Variants in PRKD3 observed in about 807,000 individuals in gnomAD.
PRKD3 encodes serine/threonine-protein kinase D3.
PRKD3 carries 47 observed loss-of-function variants against 99.2 expected under a neutral mutation model. The observed-to-expected ratio is 0.47, with a 90% confidence interval of 0.38 to 0.60. The LOEUF (loss-of-function observed/expected upper bound fraction) is 0.60. PRKD3 is among the 20% of genes least tolerant of loss of function. PRKD3 has a pLI of 0.00. For missense variants in PRKD3, 1,019 were observed against 1,088.4 expected, an observed-to-expected ratio of 0.94 and a Z score of 0.90; for synonymous variants, 392 against 355.4, an observed-to-expected ratio of 1.10 and a Z score of -1.16.
rs745319154 is a variant in PRKD3 at position 37,269,648 on chromosome 2, G to A, written c.1744C>T (p.Leu582Phe). 6.2e-7 allele frequency: 1 copy of A among 1,613,106 alleles called. No homozygotes were observed. Among genetic ancestry groups the A allele is most frequent in the Admixed American group, 1.7e-5 (1 of 60,010 alleles). Residue 582 changes from leucine (L) to phenylalanine (F), a missense_variant, in exon 13 of 19, where the codon CTT becomes TTT. Transcript: ENST00000234179. ...TVYQIFADEV[L>F]GSGQFGIVYG... is the part of the protein sequence containing the mutation. ...ACGATGCCAAACTGGCCTGAACCAAGCACCTCATCTGCAAAGATCTGGTAA... is the reference window on the plus strand; with the variant it reads ...ACGATGCCAAACTGGCCTGAACCAAACACCTCATCTGCAAAGATCTGGTAA...
intron 8 of PRKD3, chr2:37,278,221 C>A (rs1242856330): frequency 2.4e-5 from 6 of 245,720 alleles, no homozygotes; most frequent in South Asian, 7.5e-5. Flanking sequence ...TTCTGGAGGG[C>A]CACAAAAAAA....
chr2:37,298,478 C>A (rs1460554929), intron 2 of PRKD3, among the ~76,000 whole-genome samples: 1 of 151,832 alleles, frequency 6.6e-6, no homozygotes, highest in Non-Finnish European at 1.5e-5. Flanking sequence ...TAATCTTAAC[C>A]AAGTTACTTA....
chr2:37,294,896 G>A (rs1670606117), intron 2 of PRKD3, among the ~76,000 whole-genome samples: 1 of 152,152 alleles, frequency 6.6e-6, no homozygotes, highest in South Asian at 2.1e-4. Flanking sequence ...ACAACATGGT[G>A]AAACCCTGTC....
intron 2 of PRKD3, among the ~76,000 whole-genome samples, chr2:37,294,173 C>T (rs1670572097): frequency 6.6e-6 from 1 of 152,152 alleles, no homozygotes; most frequent in South Asian, 2.1e-4. Context: ...CAGTTCAACA[C>T]TGCAGCCTCA....
At chr2:37,301,023 T>G (rs77896736) in intron 2 of PRKD3, among the ~76,000 whole-genome samples, 13 of 14,394 alleles carry the variant, frequency 9.0e-4, no homozygotes, top group Admixed American at 1.6e-3. Flanking sequence ...TGCATTTCTT[T>G]TTTTATTACA....
chr2:37,254,629 G>C (rs1292424042), intron 17 of PRKD3, among the ~76,000 whole-genome samples: 1 of 152,188 alleles, frequency 6.6e-6, no homozygotes, highest in Non-Finnish European at 1.5e-5. Flanking sequence ...GTTTCCTCAT[G>C]AAGTTGCTGA....
At chr2:37,258,961 ACTT>A (rs538560446) in intron 16 of PRKD3, among the ~76,000 whole-genome samples, 4 of 152,106 alleles carry the variant, frequency 2.6e-5, no homozygotes, top group African/African-American at 7.2e-5. Flanking sequence ...CACCACCACC[ACTT>A]ATTTCTCAGG....
chr2:37,261,304 C>T (rs1387571329), intron 14 of PRKD3, among the ~76,000 whole-genome samples: 2 of 150,618 alleles, frequency 1.3e-5, no homozygotes, highest in Non-Finnish European at 3.0e-5. Flanking sequence ...GTAGCAAACA[C>T]GGTGAAATCC....
At chr2:37,272,292 T>C in intron 12 of PRKD3, 88 bp downstream of exon 12, 1 of 1,546,546 alleles carries the variant, frequency 6.5e-7, no homozygotes, top group Non-Finnish European at 8.7e-7. Context: ...CTTTGGGCGA[T>C]GAACCAATTT....
chr2:37,266,979 T>C (rs1373574403), intron 14 of PRKD3, among the ~76,000 whole-genome samples: 23 of 152,354 alleles, frequency 1.5e-4, no homozygotes, highest in Non-Finnish European at 2.9e-5. Context: ...ATTTATGGAA[T>C]TGAAATCATT....
chr2:37,311,395 G>C (rs980582946), intron 2 of PRKD3, among the ~76,000 whole-genome samples: 1 of 152,110 alleles, frequency 6.6e-6, no homozygotes, highest in Non-Finnish European at 1.5e-5. Flanking sequence ...AAATCACAGG[G>C]GCAGGGAATT....
At chr2:37,257,035 C>A in intron 16 of PRKD3, 106 bp from the exon 17 acceptor site, 1 of 1,219,862 alleles carries the variant, frequency 8.2e-7, no homozygotes, top group Non-Finnish European at 1.2e-6. Context: ...CTTGCCAGCT[C>A]TACTGATTAT....
In PRKD3 at chr2:37,316,671, C is replaced by T. The variant is rs533420179; in HGVS notation, c.-147G>A. ...ATTTCCTCTGTTAAGCCACTCATGC[C>T]GATACTTTTAAGTTTTATCAAGGAG... On this transcript the variant is annotated 5_prime_UTR_variant, in exon 2 of 19. Transcript: ENST00000234179. 4.5e-5 allele frequency: 65 copies of T among 1,439,716 alleles called. No individual in the cohort carries two copies. In the Admixed American group the frequency reaches 4.6e-4, roughly 10 times the overall value. The allele number at this position is 1,439,716 out of a possible 1,614,324, so 89.2% of individuals were successfully genotyped here. A position where few individuals can be genotyped will look rare whatever the true frequency, so the allele number is the denominator to read the frequency against.
intron 7 of PRKD3, 81 bp from the exon 8 acceptor site, chr2:37,280,010 T>C (rs1669773768): frequency 1.1e-6 from 1 of 919,910 alleles, no homozygotes; most frequent in Non-Finnish European, 1.6e-6. Flanking sequence ...TTAAGAGTCT[T>C]AAAATGTAAG....
At chr2:37,291,612 C>G (rs1670426420) in intron 3 of PRKD3, among the ~76,000 whole-genome samples, 1 of 151,984 alleles carries the variant, frequency 6.6e-6, no homozygotes, top group African/African-American at 2.4e-5. Flanking sequence ...TGAAACTCCT[C>G]AGGAATGAAG....
At chr2:37,324,365 C>A (rs749982136) in intron 1 of PRKD3, 2 of 298,950 alleles carry the variant, frequency 6.7e-6, no homozygotes, top group Non-Finnish European at 9.9e-6. Flanking sequence ...AGCGCGAACC[C>A]AAGTTGCCCT....
chr2:37,277,836 T>C (rs776220446), intron 9 of PRKD3, 30 bp downstream of exon 9: 12 of 1,604,372 alleles, frequency 7.5e-6, no homozygotes, highest in South Asian at 1.1e-5. Context: ...AAAGTCTTAC[T>C]AGCATATTCA....
intron 2 of PRKD3, among the ~76,000 whole-genome samples, chr2:37,306,722 T>G (rs1163718305): frequency 6.6e-6 from 1 of 152,048 alleles, no homozygotes; most frequent in Non-Finnish European, 1.5e-5. Context: ...GGTGGGAGGA[T>G]CAATTGAGCC....
chr2:37,303,855 TA>T (rs1430938572), intron 2 of PRKD3, among the ~76,000 whole-genome samples: 3 of 152,286 alleles, frequency 2.0e-5, no homozygotes, highest in Middle Eastern at 6.8e-3. Context: ...ATAAATGCAC[TA>T]ATCTTAATTA....
Sources: allele counts gnomAD v4.1 joint callset (sites outside exome capture counted in the v4.1 genomes callset), GRCh38; gene constraint gnomAD v4.1.1; transcripts MANE v1.5; gene names NCBI Gene and HGNC (gene_info 2026-07-23, HGNC 2026-07-21).